The following ODF2L variants were observed in gnomAD, a reference collection of about 807,000 sequenced individuals.
ODF2L encodes protein BCAP.
A neutral mutation model predicts 86.3 loss-of-function variants in ODF2L; 76 were observed. The observed-to-expected ratio is 0.88, with a 90% CI of 0.73 to 1.07. The LOEUF (loss-of-function observed/expected upper bound fraction) is 1.07. ODF2L is among the 50% of genes least tolerant of loss of function. The pLI is 0.00. For missense variants in ODF2L, 748 were observed against 717.4 expected (o/e 1.04, Z -0.49); for synonymous variants, 241 against 231.3 (o/e 1.04, Z -0.38).
chr1:86,382,393 CA>C (rs1332060562), intron 6 of ODF2L, 35 bp from the exon 7 acceptor site: 3 of 1,604,960 alleles, frequency 1.9e-6, no homozygotes, highest in African/African-American at 1.3e-5. Context: ...CAAAAAAATC[CA>C]TATTATTTGC....
At chr1:86,387,858 G>A (rs956076034) in intron 1 of ODF2L, among the ~76,000 whole-genome samples, 7 of 151,776 alleles carry the variant, frequency 4.6e-5, no homozygotes, top group Non-Finnish European at 7.4e-5. Flanking sequence ...TATATTTAAG[G>A]TTTTCTACAT....
At chr1:86,359,572 G>C (rs1434820282) in intron 12 of ODF2L, among the ~76,000 whole-genome samples, 1 of 146,968 alleles carries the variant, frequency 6.8e-6, no homozygotes, top group Non-Finnish European at 1.5e-5. Context: ...GCCCAGGCTG[G>C]GAGCACATTG....
rs575046207 is a variant in ODF2L, at chr1:86,357,940, A to T, written c.1359+847T>A. ...TTTCATGAGAAAATGAGACCAAAAG[A>T]CATGAAATGGTTTATTCGCTGGCCT... is the stretch of plus-strand genomic sequence containing the variant. On this transcript the variant is annotated intron_variant, in intron 13 of 17. Coordinates refer to ENST00000317336, the Ensembl canonical transcript of ODF2L. 9.1e-6 allele frequency: 9 copies of T among 985,360 alleles called. No individual in the cohort carries two copies. The East Asian group carries it at 1.0e-3, about 112-fold the overall frequency. 61.0% of individuals were successfully genotyped at this position (985,360 alleles called of 1,614,324 possible).
chr1:86,350,172 A>C (rs1658026993), exon 18 of ODF2L: 1 of 163,868 alleles, frequency 6.1e-6, no homozygotes, highest in Non-Finnish European at 1.3e-5. Flanking sequence ...TTGGTTACAT[A>C]GGTATACACG....
intron 12 of ODF2L, 75 bp from the exon 12 acceptor site, chr1:86,358,966 T>A: frequency 4.2e-6 from 3 of 718,840 alleles, no homozygotes; most frequent in Non-Finnish European, 6.7e-6. Context: ...ATTTAAAATT[T>A]CATTTTAAAC....
At chr1:86,395,832 CG>C (rs1661699544) in intron 1 of ODF2L, 200 bp downstream of exon 1, 2 of 152,310 alleles carry the variant, frequency 1.3e-5, no homozygotes, top group African/African-American at 4.8e-5. Context: ...GAGTGAGTCT[CG>C]CCGCCCTTTT....
At chr1:86,385,782 C>G (rs1198661830) in intron 2 of ODF2L, 192 bp from the exon 3 acceptor site, 6 of 419,894 alleles carry the variant, frequency 1.4e-5, no homozygotes, top group Non-Finnish European at 2.1e-5. Context: ...TTTACTTGTA[C>G]GTAATCACAA....
chr1:86,381,976 T>C (rs1426717278), intron 7 of ODF2L: 5 of 253,044 alleles, frequency 2.0e-5, no homozygotes, highest in Non-Finnish European at 3.5e-5. Context: ...ATAAATTAAC[T>C]ATAAAGTGGA....
chr1:86,350,860 C>CT (rs1239496840), exon 18 of ODF2L: 1 of 152,062 alleles, frequency 6.6e-6, no homozygotes, highest in African/African-American at 2.4e-5. Flanking sequence ...CAGTGATGAG[C>CT]TTTTTTTCAT....
At chr1:86,395,905 G>C (rs1661706232) in intron 1 of ODF2L, 128 bp downstream of exon 1, 1 of 152,174 alleles carries the variant, frequency 6.6e-6, no homozygotes, top group South Asian at 2.1e-4. Context: ...CTGGGTGGGC[G>C]CGAGGGCCTT....
At chr1:86,374,221 A>G (rs1227366691) in intron 8 of ODF2L, among the ~76,000 whole-genome samples, 8 of 152,224 alleles carry the variant, frequency 5.3e-5, no homozygotes. Flanking sequence ...ATATTTTGAT[A>G]TATTGAAGAC....
At chr1:86,387,513 G>C (rs1377213920) in intron 1 of ODF2L, among the ~76,000 whole-genome samples, 2 of 152,174 alleles carry the variant, frequency 1.3e-5, no homozygotes, top group Non-Finnish European at 2.9e-5. Flanking sequence ...AAAGTACTTG[G>C]CAACAATAGC....
At chr1:86,369,704 A>G (rs1236822789) in intron 10 of ODF2L, among the ~76,000 whole-genome samples, 1 of 152,166 alleles carries the variant, frequency 6.6e-6, no homozygotes, top group Non-Finnish European at 1.5e-5. Context: ...ACTGCATAAC[A>G]CTATGTATCT....
chr1:86,368,542 T>C, intron 11 of ODF2L: 1 of 1,162,352 alleles, frequency 8.6e-7, no homozygotes, highest in African/African-American at 1.6e-5. Flanking sequence ...CATTTTTACC[T>C]GCCAAATTAG....
intron 11 of ODF2L, among the ~76,000 whole-genome samples, chr1:86,362,936 C>T (rs189788270): frequency 3.9e-5 from 6 of 152,216 alleles, no homozygotes; most frequent in Non-Finnish European, 5.9e-5. Flanking sequence ...GGGATTACAG[C>T]GTGAGACACC....
chr1:86,373,565 G>GTA (rs1251310822), intron 8 of ODF2L, among the ~76,000 whole-genome samples: 1 of 150,460 alleles, frequency 6.6e-6, no homozygotes, highest in Middle Eastern at 3.5e-3. Context: ...ACTATATACT[G>GTA]TATATATATA....
intron 14 of ODF2L, chr1:86,356,030 A>G: frequency 4.2e-6 from 1 of 235,400 alleles, no homozygotes; most frequent in Non-Finnish European, 8.6e-6. Flanking sequence ...AAAGTAAAAC[A>G]GGAAAAAGAA....
chr1:86,359,459 T>C (rs1658858078), intron 12 of ODF2L, among the ~76,000 whole-genome samples: 2 of 151,942 alleles, frequency 1.3e-5, no homozygotes, highest in Admixed American at 6.6e-5. Flanking sequence ...TCCATCGAGA[T>C]GCAGCCCCTT....
At chr1:86,377,238 A>G (rs926144629) in intron 7 of ODF2L, among the ~76,000 whole-genome samples, 1 of 152,182 alleles carries the variant, frequency 6.6e-6, no homozygotes, top group Admixed American at 6.5e-5. Flanking sequence ...TCCATGTTTC[A>G]CATCTAGGTC....
Sources: gnomAD v4.1 joint callset for allele counts (sites outside exome capture counted in the v4.1 genomes callset) on GRCh38, gnomAD v4.1.1 for gene constraint, MANE v1.5 for transcripts, NCBI Gene and HGNC (gene_info 2026-07-23, HGNC 2026-07-21) for gene names.